CREBRF: variants seen among roughly 807,000 people sequenced by gnomAD.
The protein encoded by CREBRF is UPF0474 protein C5orf41.
CREBRF carries 5 observed loss-of-function variants against 66.1 expected under a neutral mutation model. The observed-to-expected ratio is 0.08, with a 90% CI of 0.04 to 0.16. CREBRF has a LOEUF of 0.16. Ranked by LOEUF, CREBRF falls within the 10% of genes least tolerant of loss-of-function variation. The pLI, the probability that CREBRF is intolerant of heterozygous loss-of-function variation, is 1.00. For synonymous variants in CREBRF, 229 were observed against 264.4 expected (o/e 0.87, Z 1.30); for missense variants, 531 against 744.9 (o/e 0.71, Z 3.34).
chr5:173,108,968 C>G (rs1758811330), intron 5 of CREBRF, 150 bp downstream of exon 5: 1 of 642,460 alleles, frequency 1.6e-6, no homozygotes, highest in Admixed American at 3.2e-5. Context: ...TGTGACTACT[C>G]TTCGTCACTC....
At chr5:173,107,646 A>G (rs1401645731) in intron 4 of CREBRF, among the ~76,000 whole-genome samples, 1 of 152,078 alleles carries the variant, frequency 6.6e-6, no homozygotes, top group Admixed American at 6.6e-5. Context: ...ATGCTGCCAC[A>G]TAGAATTCTG....
rs545313929 is a variant in CREBRF at position 173,092,035 on chromosome 5, C to T, written c.1222+634C>T. The T allele has an allele frequency of 4.2e-5, 16 of 381,656 alleles. No homozygotes were observed. The South Asian group carries it at 9.6e-4, about 23-fold the overall frequency. The allele number at this position is 381,656 out of a possible 1,614,324, so 23.6% of individuals were successfully genotyped here. ...GGCTGAGGTTGCGGTTAGCTGACAT[C>T]GCACCATTGCACTCCAGCCTGGGCA... is the stretch of plus-strand genomic sequence containing the variant. On this transcript the variant is annotated intron_variant, in intron 4 of 8. Transcript: ENST00000296953.
intron 1 of CREBRF, among the ~76,000 whole-genome samples, chr5:173,079,984 C>CA (rs1239464433): frequency 6.6e-6 from 1 of 152,202 alleles, no homozygotes; most frequent in African/African-American, 2.4e-5. Flanking sequence ...CGTTTTCCCT[C>CA]AAACATACAC....
At chr5:173,112,436 C>G (rs1027716548) in intron 7 of CREBRF, 57 bp downstream of exon 7, 12 of 1,209,676 alleles carry the variant, frequency 9.9e-6, no homozygotes, top group Non-Finnish European at 1.4e-5. Context: ...TGACCACTCT[C>G]TCTTTTCTTT....
At chr5:173,094,565 T>C (rs1418496795) in intron 4 of CREBRF, among the ~76,000 whole-genome samples, 2 of 152,154 alleles carry the variant, frequency 1.3e-5, no homozygotes, top group Non-Finnish European at 2.9e-5. Flanking sequence ...CATATACTTG[T>C]TGGCCATTTG....
chr5:173,087,877 G>A (rs1758207484), intron 3 of CREBRF, among the ~76,000 whole-genome samples: 1 of 152,124 alleles, frequency 6.6e-6, no homozygotes, highest in Admixed American at 6.5e-5. Flanking sequence ...AGGCTGGAGT[G>A]CAGTGGCACA....
chr5:173,058,736 C>T (rs1298272564), intron 1 of CREBRF, among the ~76,000 whole-genome samples: 1 of 149,090 alleles, frequency 6.7e-6, no homozygotes, highest in Non-Finnish European at 1.5e-5. Flanking sequence ...CCGCCCCCCT[C>T]GGCCTCCCAA....
rs964351568 is a variant in CREBRF, at chr5:173,135,434, A to C, written c.*1689A>C. ...AAGGCAGCATTATAAACCTTCCCCC[A>C]CAGATTTTTCCATCCTGTCTCTCTT... On this transcript the variant is annotated 3_prime_UTR_variant, in exon 9 of 9. Transcript: ENST00000296953. 9 of 152,392 alleles carry C rather than the reference A, an allele frequency of 5.9e-5. No individual in the cohort carries two copies. Among genetic ancestry groups the C allele is most frequent in the African/African-American group, 2.2e-4 (9 of 41,402 alleles). The allele number at this position is 152,392 out of a possible 1,614,324, so 9.4% of individuals were successfully genotyped here.
intron 1 of CREBRF, among the ~76,000 whole-genome samples, chr5:173,065,822 A>G (rs1422502204): frequency 6.6e-6 from 1 of 151,218 alleles, no homozygotes; most frequent in Non-Finnish European, 1.5e-5. Context: ...TTTTTTGTAG[A>G]GACAGGGTTT....
At chr5:173,115,495 G>A (rs545064476) in intron 7 of CREBRF, among the ~76,000 whole-genome samples, 1 of 152,288 alleles carries the variant, frequency 6.6e-6, no homozygotes, top group Admixed American at 6.5e-5. Context: ...TAGCCTTTAT[G>A]CAAATATCCT....
At chr5:173,131,083 G>A (rs932280531) in intron 8 of CREBRF, among the ~76,000 whole-genome samples, 5 of 152,090 alleles carry the variant, frequency 3.3e-5, no homozygotes, top group Non-Finnish European at 7.3e-5. Context: ...TGATCCTTCC[G>A]CCTCAGCTTC....
chr5:173,080,248 C>T (rs1757900245), intron 1 of CREBRF, among the ~76,000 whole-genome samples: 1 of 150,846 alleles, frequency 6.6e-6, no homozygotes, highest in Non-Finnish European at 1.5e-5. Context: ...TCATAAAGAA[C>T]ATAAAATGAA....
intron 4 of CREBRF, among the ~76,000 whole-genome samples, chr5:173,103,077 T>C (rs984076197): frequency 6.6e-6 from 1 of 152,230 alleles, no homozygotes; most frequent in African/African-American, 2.4e-5. Flanking sequence ...TGTCACATTT[T>C]CTTCCCTTGA....
At chr5:173,083,566 G>A (rs1327651827) in intron 2 of CREBRF, among the ~76,000 whole-genome samples, 3 of 152,238 alleles carry the variant, frequency 2.0e-5, no homozygotes, top group East Asian at 3.9e-4. Flanking sequence ...TTACCTTCCT[G>A]CAGGCATTGG....
intron 1 of CREBRF, 125 bp downstream of exon 1, chr5:173,056,604 G>T: frequency 2.6e-6 from 1 of 390,692 alleles, no homozygotes; most frequent in South Asian, 1.3e-4. Context: ...GGCCGGCGCG[G>T]GGCGGGGGCC....
intron 2 of CREBRF, among the ~76,000 whole-genome samples, chr5:173,082,505 C>T (rs1294075008): frequency 3.3e-5 from 5 of 150,680 alleles, no homozygotes; most frequent in South Asian, 2.1e-4. Context: ...ATGAAAAGTC[C>T]GGTTTGTGAA....
Position 173,133,756 on chromosome 5 carries a change from T to C in CREBRF, c.*11T>C, listed in dbSNP as rs774760024. 7.2e-7 allele frequency: 1 copy of C among 1,381,334 alleles called. No homozygotes were observed. Among genetic ancestry groups the C allele is most frequent in the Non-Finnish European group, 1.0e-6 (1 of 975,478 alleles). The allele number at this position is 1,381,334 out of a possible 1,614,324, so 85.6% of individuals were successfully genotyped here. ...ACATCAAAGGTGTAATCAGCCTCAT[T>C]GGACCACTGGTCAGAAATGTCTGCG... On this transcript the variant is annotated 3_prime_UTR_variant, in exon 9 of 9. Coordinates refer to ENST00000296953, the MANE Select transcript of CREBRF (RefSeq NM_153607.3).
chr5:173,108,843 T>A (rs1758808164), intron 5 of CREBRF, 25 bp downstream of exon 5: 1 of 1,592,672 alleles, frequency 6.3e-7, no homozygotes, highest in Admixed American at 1.7e-5. Context: ...CAGTCAGATA[T>A]TTAGTGTCAC....
At chr5:173,129,546 A>AC (rs1291962790) in intron 8 of CREBRF, among the ~76,000 whole-genome samples, 1 of 151,566 alleles carries the variant, frequency 6.6e-6, no homozygotes, top group Non-Finnish European at 1.5e-5. Flanking sequence ...ACATAAGGAG[A>AC]CCCCATTTCT....
Sources: allele counts gnomAD v4.1 joint callset (sites outside exome capture counted in the v4.1 genomes callset), GRCh38; gene constraint gnomAD v4.1.1; transcripts MANE v1.5; gene names NCBI Gene and HGNC (gene_info 2026-07-23, HGNC 2026-07-21).